The following CNTLN variants were observed in gnomAD, a reference collection of about 807,000 sequenced individuals.
CNTLN encodes centlein, centrosomal protein.
In CNTLN, 212 loss-of-function variants were observed where a neutral mutation model predicts 180.0. That is an observed-to-expected ratio of 1.18 (90% CI 1.05 to 1.32). The LOEUF is 1.32. Ranked by LOEUF, CNTLN falls within the 40% of genes most tolerant of loss-of-function variation. CNTLN has a pLI of 0.00. For synonymous variants in CNTLN, 722 were observed against 563.1 expected, an observed-to-expected ratio of 1.28 and a Z score of -3.99; for missense variants, 2,095 against 1,610.9, an observed-to-expected ratio of 1.30 and a Z score of -5.14.
At chr9:17,243,679 T>A (rs1167771132) in intron 5 of CNTLN, among the ~76,000 whole-genome samples, 1 of 152,208 alleles carries the variant, frequency 6.6e-6, no homozygotes, top group Non-Finnish European at 1.5e-5. Flanking sequence ...AGAAGATGCT[T>A]GATATAATTT....
At chr9:17,480,476 G>C (rs1832586722) in intron 23 of CNTLN, among the ~76,000 whole-genome samples, 1 of 152,064 alleles carries the variant, frequency 6.6e-6, no homozygotes, top group Non-Finnish European at 1.5e-5. Flanking sequence ...GGAAATTGAT[G>C]AATCCTTAGG....
At chr9:17,234,189 G>T (rs964280570) in intron 3 of CNTLN, among the ~76,000 whole-genome samples, 4 of 152,040 alleles carry the variant, frequency 2.6e-5, no homozygotes, top group African/African-American at 9.7e-5. Context: ...GGGCACGGTG[G>T]CTCACACCTG....
At chr9:17,427,132 G>T (rs1260064148) in intron 18 of CNTLN, among the ~76,000 whole-genome samples, 1 of 152,068 alleles carries the variant, frequency 6.6e-6, no homozygotes, top group Admixed American at 6.5e-5. Flanking sequence ...CAAGGTCAAA[G>T]TTTCAGCTCC....
chr9:17,331,817 A>G (rs1027232429), intron 9 of CNTLN, among the ~76,000 whole-genome samples: 1 of 152,076 alleles, frequency 6.6e-6, no homozygotes, highest in Non-Finnish European at 1.5e-5. Context: ...ATGAAAGAAA[A>G]CATTCATAAA....
In CNTLN at chr9:17,154,177, C is replaced by G. The variant is rs146985900; in HGVS notation, c.449+10801C>G. Among the ~76,000 whole-genome samples the G allele has an allele frequency of 1.4e-3, 209 of 152,334 alleles. 3 individuals are homozygous for G. The highest frequency in any genetic ancestry group is 4.7e-3 in the African/African-American group (195 of 41,584). On this transcript the variant is annotated intron_variant, in intron 2 of 25. Coordinates refer to ENST00000380647, the MANE Select transcript of CNTLN (RefSeq NM_017738.4). ...TCTGTCAGTTCGTCAAACTCATTCT[C>G]TGTCCAGCTTTGTTCCCTTGCTGGC... is the stretch of plus-strand genomic sequence containing the variant.
At chr9:17,357,093 G>A (rs1186855564) in intron 12 of CNTLN, among the ~76,000 whole-genome samples, 1 of 152,070 alleles carries the variant, frequency 6.6e-6, no homozygotes, top group Non-Finnish European at 1.5e-5. Context: ...CTTCATGTAA[G>A]TGGAATCATT....
intron 8 of CNTLN, among the ~76,000 whole-genome samples, chr9:17,317,745 A>G (rs189604153): frequency 6.6e-6 from 1 of 152,316 alleles, no homozygotes; most frequent in East Asian, 1.9e-4. Flanking sequence ...AGCATTCTAA[A>G]CAGAGAGAAC....
At chr9:17,426,933 C>A (rs565037164) in intron 18 of CNTLN, among the ~76,000 whole-genome samples, 1 of 152,228 alleles carries the variant, frequency 6.6e-6, no homozygotes, top group East Asian at 1.9e-4. Context: ...CAGATTTCAA[C>A]CCACATGAGG....
chr9:17,312,327 G>A (rs1325662923), intron 8 of CNTLN, among the ~76,000 whole-genome samples: 1 of 116,908 alleles, frequency 8.6e-6, no homozygotes, highest in African/African-American at 3.1e-5. Flanking sequence ...GGTAGTACTC[G>A]ATAAGATTAC....
intron 2 of CNTLN, among the ~76,000 whole-genome samples, chr9:17,205,884 C>T (rs530199442): frequency 6.6e-6 from 1 of 152,144 alleles, no homozygotes; most frequent in Admixed American, 6.5e-5. Flanking sequence ...GCCAAAATTC[C>T]ACCATAACTG....
intron 2 of CNTLN, among the ~76,000 whole-genome samples, chr9:17,191,655 G>T (rs1006741091): frequency 3.3e-5 from 5 of 152,054 alleles, no homozygotes; most frequent in Admixed American, 2.0e-4. Context: ...ACATTTTTTT[G>T]ATGGAAAAAT....
chr9:17,359,612 T>A (rs1188938215), intron 12 of CNTLN, among the ~76,000 whole-genome samples: 1 of 150,142 alleles, frequency 6.7e-6, no homozygotes, highest in Non-Finnish European at 1.5e-5. Flanking sequence ...CCGAGTGCGG[T>A]GGCTCACGCC....
chr9:17,506,641 CT>C (rs1203913148), downstream of CNTLN, among the ~76,000 whole-genome samples: 3 of 151,980 alleles, frequency 2.0e-5, no homozygotes, highest in African/African-American at 7.2e-5. Context: ...CAAAAATGAC[CT>C]TTGGATTTAG....
intron 2 of CNTLN, among the ~76,000 whole-genome samples, chr9:17,147,931 T>C (rs960850015): frequency 1.3e-5 from 2 of 152,308 alleles, no homozygotes; most frequent in Non-Finnish European, 2.9e-5. Flanking sequence ...TTGCTAAACA[T>C]CTTGAAATGA....
intron 13 of CNTLN, among the ~76,000 whole-genome samples, chr9:17,385,443 C>G (rs1825613776): frequency 6.6e-6 from 1 of 152,116 alleles, no homozygotes; most frequent in African/African-American, 2.4e-5. Context: ...TATCTAGGGG[C>G]TCACCAGGAA....
intron 5 of CNTLN, among the ~76,000 whole-genome samples, chr9:17,249,538 A>G (rs963415009): frequency 1.3e-5 from 2 of 151,690 alleles, no homozygotes; most frequent in Non-Finnish European, 2.9e-5. Flanking sequence ...TTTAGTAGAG[A>G]CAGTGTTTCA....
chr9:17,410,684 C>A (rs1827777840), intron 16 of CNTLN, among the ~76,000 whole-genome samples: 1 of 151,966 alleles, frequency 6.6e-6, no homozygotes, highest in South Asian at 2.1e-4. Context: ...CTATATTTTT[C>A]TGTTTTGATT....
chr9:17,375,356 G>A (rs578072150), intron 13 of CNTLN, among the ~76,000 whole-genome samples: 7 of 152,298 alleles, frequency 4.6e-5, no homozygotes, highest in African/African-American at 1.7e-4. Context: ...GCGTTTGCTA[G>A]CATGACAGGG....
intron 7 of CNTLN, among the ~76,000 whole-genome samples, chr9:17,302,932 C>T (rs577115581): frequency 6.6e-6 from 1 of 152,088 alleles, no homozygotes; most frequent in Non-Finnish European, 1.5e-5. Context: ...TTATGTAAAT[C>T]GAGATAAAAA....
Sources: allele counts gnomAD v4.1 joint callset (sites outside exome capture counted in the v4.1 genomes callset), GRCh38; gene constraint gnomAD v4.1.1; transcripts MANE v1.5; gene names NCBI Gene and HGNC (gene_info 2026-07-23, HGNC 2026-07-21).